Variants in CCDC187 observed in about 807,000 individuals in gnomAD.
CCDC187 encodes the protein coiled-coil domain containing 187, also known as coiled-coil domain-containing protein 187.
CCDC187 carries 32 observed loss-of-function variants against 38.0 expected under a neutral mutation model. That is an observed-to-expected ratio of 0.84 (90% CI 0.64 to 1.13). CCDC187 has a LOEUF of 1.13. Ranked by LOEUF, CCDC187 falls within the 50% of genes most tolerant of loss-of-function variation. The probability of loss-of-function intolerance (pLI) is 0.00; values close to 1 mark genes in which losing one functional copy is unlikely to be tolerated. For synonymous variants in CCDC187, 333 were observed against 347.9 expected (o/e 0.96, Z 0.48); for missense variants, 707 against 786.8 (o/e 0.90, Z 1.21).
Position 136,274,483 on chromosome 9 carries a change from A to G in CCDC187, c.3442+175T>C, listed in dbSNP as rs141379818. Among the ~76,000 whole-genome samples, 697 of 152,344 alleles carry G rather than the reference A, an allele frequency of 4.6e-3. 3 individuals carry two copies. The highest frequency in any genetic ancestry group is 0.015 in the African/African-American group (637 of 41,588). ...CGAGGGTCAGTCACGCGAGTGCTGG[A>G]GTCAGACAGACCTGGCTGCAGATCC... is the stretch of plus-strand genomic sequence containing the variant. On this transcript the variant is annotated intron_variant, in intron 14 of 25. Transcript: ENST00000638797.
chr9:136,262,594 G>C (rs1830692607), intron 18 of CCDC187, 132 bp from the exon 19 acceptor site: 1 of 745,288 alleles, frequency 1.3e-6, no homozygotes. Context: ...CTCCCCACTG[G>C]GTGCCAGGCT....
At chr9:136,293,630 G>C (rs1831439035) in intron 4 of CCDC187, among the ~76,000 whole-genome samples, 1 of 150,876 alleles carries the variant, frequency 6.6e-6, no homozygotes, top group Non-Finnish European at 1.5e-5. Context: ...ATGCTGACAG[G>C]CACTCGCATG....
chr9:136,273,417 G>A (rs138176281), intron 14 of CCDC187, among the ~76,000 whole-genome samples: 19 of 152,310 alleles, frequency 1.2e-4, no homozygotes, highest in African/African-American at 4.1e-4. Context: ...ATACTGCTGC[G>A]GCTAAGAGGA....
In CCDC187 at chr9:136,286,658, C is replaced by T. The variant is rs1588665713; in HGVS notation, c.2260G>A (p.Glu754Lys). The part of the protein sequence containing the change: ...LCLNRAWNHA[E>K]TLDPPGMGGP... The stretch of plus-strand genomic sequence containing the variant: ...CCCATCCCTGGGGGATCTAGGGTCT[C>T]AGCATGGTTCCAGGCTCTGTTCAAA... The change falls in exon 8 of 26, where the codon GAG becomes AAG. Residue 754 changes from glutamate to lysine, a missense_variant. Glu to Lys is a moderately conservative substitution (Grantham distance 56, BLOSUM62 1). Coordinates refer to ENST00000638797, the MANE Select transcript of CCDC187 (RefSeq NM_001378188.1). The T allele has an allele frequency of 5.0e-6, 2 of 398,848 alleles. No individual in the cohort carries two copies. Among genetic ancestry groups the T allele is most frequent in the East Asian group, 7.1e-5 (2 of 28,070 alleles). 24.7% of individuals were successfully genotyped at this position (398,848 alleles called of 1,614,324 possible).
At chr9:136,284,381 G>A (rs1831121357) in intron 9 of CCDC187, among the ~76,000 whole-genome samples, 1 of 152,170 alleles carries the variant, frequency 6.6e-6, no homozygotes. Context: ...ACGCATTGAG[G>A]GTGCACAGAG....
rs1242102177 is a variant in CCDC187, at chr9:136,286,715, G to A, written c.2223-20C>T. ...CAGAAGCTGCAGGAAGAGAGACGTG[G>A]ACAGATCAGCTCAGGCTCGGTCGCC... On this transcript the variant is annotated intron_variant, in intron 7 of 25. Transcript: ENST00000638797. 5.0e-6 allele frequency: 2 copies of A among 398,676 alleles called. No homozygotes were observed. Among genetic ancestry groups the A allele is most frequent in the African/African-American group, 4.1e-5 (2 of 48,642 alleles). The allele number at this position is 398,676 out of a possible 1,614,324, so 24.7% of individuals were successfully genotyped here.
chr9:136,277,451 T>C (rs1251119013), intron 10 of CCDC187, among the ~76,000 whole-genome samples: 6 of 34,690 alleles, frequency 1.7e-4, no homozygotes, highest in Non-Finnish European at 3.3e-4. Flanking sequence ...GCAGATGGGG[T>C]GGGCGGGTGC....
rs1381739738 is a variant in CCDC187 at position 136,254,595 on chromosome 9, T to C, written c.5233A>G (p.Ile1745Val). Residue 1745 changes from isoleucine to valine, a missense_variant, in exon 26 of 26, where the codon ATC becomes GTC. Transcript: ENST00000638797. ...KAGWLLPFPD[I>V]PSPRSGSELS... Reference sequence around the variant, plus strand: ...TCTGACCCTGACCTTGGAGAGGGGATGTCTGGGAAAGGCAGTAGCCAGCCT... The same window carrying C: ...TCTGACCCTGACCTTGGAGAGGGGACGTCTGGGAAAGGCAGTAGCCAGCCT... 7 of 985,438 alleles carry C rather than the reference T, an allele frequency of 7.1e-6. No individual in the cohort carries two copies. In the East Asian group the frequency reaches 3.4e-4, roughly 48 times the overall value. 61.0% of individuals were successfully genotyped at this position (985,438 alleles called of 1,614,324 possible).
intron 19 of CCDC187, among the ~76,000 whole-genome samples, chr9:136,261,691 C>T (rs1328216970): frequency 2.0e-5 from 3 of 152,242 alleles, no homozygotes; most frequent in South Asian, 4.1e-4. Flanking sequence ...ACTGCAGAGG[C>T]CCCTCTGGGC....
Position 136,303,784 on chromosome 9 carries a change from G to C in CCDC187, c.47C>G (p.Thr16Arg), listed in dbSNP as rs1831748978. Residue 16 changes from threonine (T) to arginine (R), a missense_variant, in exon 1 of 26, where the codon ACA becomes AGA. Coordinates refer to ENST00000638797, the MANE Select transcript of CCDC187 (RefSeq NM_001378188.1). ...GCTGTTCTTGTGGCAGGGCTGAGGTGTGTCCCCCAGGCAGGTGGGCGGCGT... is the reference window on the plus strand; with the variant it reads ...GCTGTTCTTGTGGCAGGGCTGAGGTCTGTCCCCCAGGCAGGTGGGCGGCGT... ...VGTPPTCLGD[T>R]PQPCHKNSQR... is the part of the protein sequence containing the mutation. The C allele has an allele frequency of 6.6e-6, 1 of 152,392 alleles. No homozygotes were observed. Among genetic ancestry groups the C allele is most frequent in the African/African-American group, 2.4e-5 (1 of 41,476 alleles). The allele number at this position is 152,392 out of a possible 1,614,324, so 9.4% of individuals were successfully genotyped here.
chr9:136,302,504 C>T (rs1831710191), intron 2 of CCDC187, among the ~76,000 whole-genome samples: 1 of 152,210 alleles, frequency 6.6e-6, no homozygotes, highest in Non-Finnish European at 1.5e-5. Flanking sequence ...CCCAAGGCTA[C>T]AGGGACAAAG....
chr9:136,263,469 C>T (rs988547656), intron 18 of CCDC187, among the ~76,000 whole-genome samples, 153 bp downstream of exon 18: 3 of 152,252 alleles, frequency 2.0e-5, no homozygotes, highest in Middle Eastern at 3.4e-3. Flanking sequence ...CTCCTGACCT[C>T]GTGATCCACC....
chr9:136,286,807 C>T, intron 7 of CCDC187, 112 bp from the exon 8 acceptor site: 1 of 397,820 alleles, frequency 2.5e-6, no homozygotes, highest in East Asian at 3.6e-5. Context: ...TGTGACGGAC[C>T]CAGTGTCTGT....
Position 136,291,090 on chromosome 9 carries a change from T to C in CCDC187, c.1523A>G (p.Gln508Arg), listed in dbSNP as rs1831316326. 6 of 398,444 alleles carry C rather than the reference T, an allele frequency of 1.5e-5. No individual in the cohort carries two copies. The allele number at this position is 398,444 out of a possible 1,614,324, so 24.7% of individuals were successfully genotyped here. The stretch of plus-strand genomic sequence containing the variant: ...CCTCTGGGAGGAGGGGCCCTGTCTT[T>C]GGGCCCCCCAGGCCCTCTGCGGACT... Reference protein sequence around the residue: ...ACSPQRAWGAQRQGPSSQRPG... With the variant: ...ACSPQRAWGARRQGPSSQRPG... The change falls in exon 6 of 26, where the codon CAA (glutamine) becomes CGA (arginine). Residue 508 changes from glutamine (Q) to arginine (R), a missense_variant. Coordinates refer to ENST00000638797, the MANE Select transcript of CCDC187 (RefSeq NM_001378188.1).
intron 12 of CCDC187, among the ~76,000 whole-genome samples, chr9:136,275,346 A>AGT (rs1397079986): frequency 6.6e-6 from 1 of 152,064 alleles, no homozygotes; most frequent in Non-Finnish European, 1.5e-5. Context: ...GGAGGGGAGC[A>AGT]AATCCTGTGA....
intron 16 of CCDC187, 90 bp downstream of exon 16, chr9:136,267,294 G>A (rs1310045000): frequency 4.4e-6 from 4 of 913,348 alleles, no homozygotes; most frequent in Non-Finnish European, 5.2e-6. Context: ...ACCCGGACGG[G>A]GCAGGGAGGG....
In CCDC187 at chr9:136,297,814, C is replaced by T. The variant is rs1831573098; in HGVS notation, c.732G>A (p.Arg244=). Residue 244 remains arginine, a synonymous_variant, in exon 4 of 26, where the codon AGG becomes AGA. Transcript: ENST00000638797. Reference sequence around the variant, plus strand: ...TGCTTTTGACCCTTTTGGGTTTTTCCCTCAGAACTTCAGTGAGGAAGAGAA... The same window carrying T: ...TGCTTTTGACCCTTTTGGGTTTTTCTCTCAGAACTTCAGTGAGGAAGAGAA... ...RVSQHQVPVL[R]EKPKRVKSSS... is the part of the protein sequence containing the mutation. 1.0e-5 allele frequency: 4 copies of T among 398,450 alleles called. No individual in the cohort carries two copies. Among genetic ancestry groups the T allele is most frequent in the Non-Finnish European group, 1.8e-5 (4 of 226,024 alleles). The allele number at this position is 398,450 out of a possible 1,614,324, so 24.7% of individuals were successfully genotyped here.
In CCDC187 at chr9:136,252,627, G is replaced by A. The variant is rs1328222962; in HGVS notation, c.*967C>T. 3.6e-5 allele frequency: 6 copies of A among 165,230 alleles called. No individual in the cohort carries two copies. The highest frequency in any genetic ancestry group is 1.2e-4 in the South Asian group (1 of 8,010). The allele number at this position is 165,230 out of a possible 1,614,324, so 10.2% of individuals were successfully genotyped here. On this transcript the variant is annotated 3_prime_UTR_variant, in exon 26 of 26. Transcript: ENST00000638797. ...CAGGCCTCTAGGTTCTTACTCCCAC[G>A]TGTGCATGTGTATGCCACACACAGC... is the stretch of plus-strand genomic sequence containing the variant.
chr9:136,285,695 G>T, intron 8 of CCDC187, 89 bp from the exon 9 acceptor site: 1 of 398,454 alleles, frequency 2.5e-6, no homozygotes, highest in South Asian at 1.3e-4. Context: ...AGAGGAGCCT[G>T]AGACACACCT....
Sources: allele counts gnomAD v4.1 joint callset (sites outside exome capture counted in the v4.1 genomes callset), GRCh38; gene constraint gnomAD v4.1.1; transcripts MANE v1.5; gene names NCBI Gene and HGNC (gene_info 2026-07-23, HGNC 2026-07-21).